Variants in CALD1 observed in about 807,000 individuals in gnomAD.
CALD1 encodes the protein caldesmon.
CALD1 carries 33 observed loss-of-function variants against 99.9 expected under a neutral mutation model. The ratio of observed to expected loss-of-function variants is 0.33; its 90% CI spans 0.25 to 0.44. The LOEUF is 0.44. Among genes scored for constraint, CALD1 ranks in the 20% least tolerant of loss-of-function variants. The pLI, the probability that CALD1 is intolerant of heterozygous loss-of-function variation, is 1.00. For synonymous variants in CALD1, 310 were observed against 325.0 expected (o/e 0.95, Z 0.50); for missense variants, 861 against 962.1 (o/e 0.89, Z 1.39).
At chr7:134,758,501 G>GGGGTGT (rs574733386) in intron 1 of CALD1, among the ~76,000 whole-genome samples, 240 of 145,218 alleles carry the variant, frequency 1.7e-3, no homozygotes, top group Non-Finnish European at 2.4e-3. Context: ...CTCCCATTGG[G>GGGGTGT]GTGTGTGTGT....
the CALD1 span, among the ~76,000 whole-genome samples, chr7:134,727,153 C>A: frequency 6.6e-6 from 1 of 152,204 alleles, no homozygotes; most frequent in African/African-American, 2.4e-5. Context: ...GAAAAGAAAT[C>A]TTCTGGAAAC....
chr7:134,726,957 T>C, the CALD1 span, among the ~76,000 whole-genome samples: 2 of 152,206 alleles, frequency 1.3e-5, no homozygotes, highest in African/African-American at 4.8e-5. Flanking sequence ...GTCCACATTG[T>C]TGGCAGTACT....
intron 1 of CALD1, among the ~76,000 whole-genome samples, chr7:134,793,711 A>G (rs1797632190): frequency 6.6e-6 from 1 of 152,084 alleles, no homozygotes; most frequent in Non-Finnish European, 1.5e-5. Context: ...GCAGTCCCGA[A>G]GTGGGACTGT....
At chr7:134,956,984 A>G (rs1269300887) in intron 9 of CALD1, among the ~76,000 whole-genome samples, 1 of 151,752 alleles carries the variant, frequency 6.6e-6, no homozygotes, top group Non-Finnish European at 1.5e-5. Context: ...TGTAGCAAAA[A>G]AGTTCCTAGC....
chr7:134,928,732 G>C, intron 3 of CALD1, 22 bp from the exon 4 acceptor site: 1 of 1,611,022 alleles, frequency 6.2e-7, no homozygotes, highest in East Asian at 2.2e-5. Context: ...ACGCTCAAGA[G>C]GTTGTCTTTG....
At chr7:134,848,085 A>G (rs898404775) in intron 2 of CALD1, among the ~76,000 whole-genome samples, 1 of 151,168 alleles carries the variant, frequency 6.6e-6, no homozygotes, top group Admixed American at 6.6e-5. Context: ...TAAGCAGAAC[A>G]AACAGTCTGG....
At chr7:134,916,263 A>G (rs894421451) in intron 3 of CALD1, among the ~76,000 whole-genome samples, 1 of 152,204 alleles carries the variant, frequency 6.6e-6, no homozygotes, top group African/African-American at 2.4e-5. Context: ...TAGCAGAGCT[A>G]GCAACAATGC....
chr7:134,781,974 T>G (rs4236645), intron 1 of CALD1, among the ~76,000 whole-genome samples: 113,804 of 152,158 alleles, frequency 0.75, 43,863 homozygotes, highest in East Asian at 1. Context: ...AGAATCTCCT[T>G]GTCTTAGGTA....
intron 3 of CALD1, among the ~76,000 whole-genome samples, chr7:134,894,019 A>C (rs1036652858): frequency 4.3e-4 from 65 of 152,240 alleles, no homozygotes; most frequent in African/African-American, 1.5e-3. Context: ...AAAATGGGGT[A>C]GGGCGACACT....
chr7:134,749,252 AG>A (rs1180962910), intron 1 of CALD1, among the ~76,000 whole-genome samples: 1 of 152,248 alleles, frequency 6.6e-6, no homozygotes, highest in Non-Finnish European at 1.5e-5. Flanking sequence ...TTGTCTTCAA[AG>A]GAACACCTCT....
intron 8 of CALD1, among the ~76,000 whole-genome samples, chr7:134,949,925 CA>C (rs2133148479): frequency 6.6e-6 from 1 of 150,670 alleles, no homozygotes; most frequent in Admixed American, 6.6e-5. Context: ...AAAAAAATCA[CA>C]AAAAGGTCTC....
At chr7:134,761,338 G>A (rs1178270301) in intron 1 of CALD1, among the ~76,000 whole-genome samples, 1 of 152,092 alleles carries the variant, frequency 6.6e-6, no homozygotes, top group Non-Finnish European at 1.5e-5. Flanking sequence ...AATTTCTTTG[G>A]AATGACAAGT....
At chr7:134,877,486 C>T (rs1375762952) in intron 3 of CALD1, among the ~76,000 whole-genome samples, 1 of 152,158 alleles carries the variant, frequency 6.6e-6, no homozygotes, top group African/African-American at 2.4e-5. Context: ...ATGATATATA[C>T]ATATGTGTAT....
At chr7:134,931,736 A>G (rs1805535581) in intron 4 of CALD1, among the ~76,000 whole-genome samples, 1 of 152,144 alleles carries the variant, frequency 6.6e-6, no homozygotes, top group Non-Finnish European at 1.5e-5. Flanking sequence ...GTAGTGAGGG[A>G]GGTGATGGAC....
chr7:134,956,998 A>T (rs1807823461), intron 9 of CALD1, among the ~76,000 whole-genome samples: 1 of 135,994 alleles, frequency 7.4e-6, no homozygotes, highest in South Asian at 2.1e-4. Flanking sequence ...TCCTAGCTTT[A>T]AAAAAAAAAG....
intron 1 of CALD1, among the ~76,000 whole-genome samples, chr7:134,792,895 C>T (rs564837170): frequency 2.6e-5 from 4 of 152,336 alleles, no homozygotes; most frequent in African/African-American, 9.6e-5. Flanking sequence ...TGCTAGAAAT[C>T]CCTTGGCCTT....
At position 134,970,269 on chromosome 7, in the gene CALD1, C is replaced by T. The variant is rs186215380; in HGVS notation, c.*1924C>T. The stretch of plus-strand genomic sequence containing the variant: ...TGAATTAAGGCCTATGGTAAGGTAA[C>T]ATTGCTTTGTTGTACTTTTGAACAA... On this transcript the variant is annotated 3_prime_UTR_variant, in exon 15 of 15. Transcript: ENST00000361675. 2.1e-4 allele frequency: 32 copies of T among 152,340 alleles called. No homozygotes were observed. Among genetic ancestry groups the T allele is most frequent in the African/African-American group, 7.0e-4 (29 of 41,590 alleles). 9.4% of individuals were successfully genotyped at this position (152,340 alleles called of 1,614,324 possible). A position where few individuals can be genotyped will look rare whatever the true frequency, so the allele number is the denominator to read the frequency against.
chr7:134,776,474 C>G (rs1378998381), upstream of CALD1, among the ~76,000 whole-genome samples: 9 of 152,138 alleles, frequency 5.9e-5, no homozygotes. Flanking sequence ...TAAACCATCT[C>G]TGGATTGGTC....
At chr7:134,801,596 G>A (rs1797943471) in intron 1 of CALD1, among the ~76,000 whole-genome samples, 1 of 152,020 alleles carries the variant, frequency 6.6e-6, no homozygotes, top group Non-Finnish European at 1.5e-5. Context: ...TTGGTACATT[G>A]AAGAAATCAC....
Sources: gnomAD v4.1 joint callset for allele counts (sites outside exome capture counted in the v4.1 genomes callset) on GRCh38, gnomAD v4.1.1 for gene constraint, MANE v1.5 for transcripts, NCBI Gene and HGNC (gene_info 2026-07-23, HGNC 2026-07-21) for gene names.